Variants in NFYB observed in about 807,000 individuals in gnomAD.
NFYB encodes the protein nuclear transcription factor Y subunit beta.
Under a neutral mutation model 28.0 loss-of-function variants are expected in NFYB, and 13 were observed. The observed-to-expected ratio is 0.46, with a 90% CI of 0.30 to 0.74. NFYB has a LOEUF of 0.74. Among genes scored for constraint, NFYB ranks in the 30% least tolerant of loss-of-function variants. The pLI is 0.07. For missense variants in NFYB, 142 were observed against 247.6 expected (o/e 0.57, Z 2.86); for synonymous variants, 74 against 75.0 (o/e 0.99, Z 0.07).
At position 104,128,460 on chromosome 12, in the gene NFYB, T is replaced by C; in HGVS notation, c.64A>G (p.Ile22Val). 1 of 1,612,580 alleles carries C rather than the reference T, an allele frequency of 6.2e-7. No individual in the cohort carries two copies. Among genetic ancestry groups the C allele is most frequent in the Non-Finnish European group, 8.5e-7 (1 of 1,179,068 alleles). Residue 22 changes from isoleucine (I) to valine (V), a missense_variant, in exon 3 of 8, where the codon ATT (isoleucine) becomes GTT (valine). This residue lies in a region of NFYB where 54 missense variants were observed against 58.1 expected (regional missense o/e 0.93). Coordinates refer to ENST00000240055, the MANE Select transcript of NFYB (RefSeq NM_006166.4). ...ASQLGISADY[I>V]GGSHYVIQPH... ...TGTATAACATAATGACTTCCTCCAA[T>C]ATAGTCTGCAGAGATTCCTAGTTGA...
At chr12:104,129,929 A>C (rs1472281143) in intron 2 of NFYB, among the ~76,000 whole-genome samples, 1 of 152,170 alleles carries the variant, frequency 6.6e-6, no homozygotes, top group Non-Finnish European at 1.5e-5. Flanking sequence ...AATTACCTGC[A>C]CAGACAAGAA....
intron 4 of NFYB, among the ~76,000 whole-genome samples, chr12:104,124,698 T>C (rs1026413581): frequency 6.6e-6 from 1 of 152,242 alleles, no homozygotes; most frequent in Non-Finnish European, 1.5e-5. Context: ...GTCTTCAAAA[T>C]CTGGTGTTTC....
chr12:104,121,508 A>C (rs187225501), intron 5 of NFYB, among the ~76,000 whole-genome samples, 187 bp from the exon 6 acceptor site: 77 of 152,352 alleles, frequency 5.1e-4, no homozygotes, highest in African/African-American at 1.8e-3. Context: ...TATAAGCTGT[A>C]ATCATTAACA....
chr12:104,136,224 T>C (rs189414619), intron 1 of NFYB, among the ~76,000 whole-genome samples: 2 of 152,324 alleles, frequency 1.3e-5, no homozygotes, highest in African/African-American at 2.4e-5. Context: ...TTAGTACCAA[T>C]TGCTGTGTTA....
intron 6 of NFYB, 151 bp downstream of exon 6, chr12:104,121,089 T>C (rs932499272): frequency 1.8e-5 from 11 of 618,132 alleles, no homozygotes; most frequent in Non-Finnish European, 3.1e-5. Context: ...TATCACTCAC[T>C]GACTTCAAAT....
chr12:104,121,146 A>C, intron 6 of NFYB, 94 bp downstream of exon 6: 1 of 994,688 alleles, frequency 1.0e-6, no homozygotes, highest in Non-Finnish European at 1.5e-6. Context: ...TGCTTTGTCA[A>C]AATACTCACT....
intron 4 of NFYB, among the ~76,000 whole-genome samples, chr12:104,124,025 C>CA: frequency 6.6e-6 from 1 of 152,296 alleles, no homozygotes. Flanking sequence ...GTTCCTACCA[C>CA]CCCACAGAGG....
At chr12:104,123,036 C>CA (rs962230293) in intron 5 of NFYB, among the ~76,000 whole-genome samples, 190 bp downstream of exon 5, 6 of 151,808 alleles carry the variant, frequency 4.0e-5, no homozygotes, top group Non-Finnish European at 5.9e-5. Context: ...CTTAGCCAGG[C>CA]ATGGTGGTGC....
chr12:104,137,412 G>A (rs2031144143), intron 1 of NFYB: 1 of 152,294 alleles, frequency 6.6e-6, no homozygotes. Context: ...ACCGCCAGAT[G>A]GCTGCATTCT....
intron 2 of NFYB, 50 bp from the exon 3 acceptor site, chr12:104,128,567 G>C (rs775317184): frequency 7.8e-7 from 1 of 1,289,036 alleles, no homozygotes; most frequent in Admixed American, 1.7e-5. Flanking sequence ...ACTAACAAAC[G>C]TAACAGATTC....
chr12:104,138,037 G>C (rs1593642487), intron 1 of NFYB, 104 bp downstream of exon 1: 1 of 146,466 alleles, frequency 6.8e-6, no homozygotes, highest in East Asian at 2.0e-4. Context: ...CCCCGGCCGC[G>C]GCGGCGTTGG....
rs371891986 is a variant in NFYB at position 104,131,433 on chromosome 12, C to T, written c.7-2916G>A. 5.4e-3 allele frequency: 1,042 copies of T among 191,962 alleles called. 48 individuals are homozygous for T. The South Asian group carries it at 0.065, about 12-fold the overall frequency. The allele number at this position is 191,962 out of a possible 1,614,324, so 11.9% of individuals were successfully genotyped here. A position where few individuals can be genotyped will look rare whatever the true frequency, so the allele number is the denominator to read the frequency against. ...CCTCTGTCTTTCTACCATTAAAATC[C>T]TGCCCCAGACTTTAATCCCAGTGTT... On this transcript the variant is annotated intron_variant, in intron 2 of 7. Transcript: ENST00000240055.
intron 4 of NFYB, among the ~76,000 whole-genome samples, chr12:104,124,145 A>C (rs926900851): frequency 1.3e-5 from 2 of 152,170 alleles, no homozygotes; most frequent in African/African-American, 4.8e-5. Context: ...GAATAAAGAC[A>C]CCAGAAAACA....
At chr12:104,127,983 C>T (rs2030784336) in intron 3 of NFYB, among the ~76,000 whole-genome samples, 1 of 152,096 alleles carries the variant, frequency 6.6e-6, no homozygotes, top group Non-Finnish European at 1.5e-5. Context: ...CACACTGAGC[C>T]AACACTACCA....
chr12:104,127,648 C>A (rs1593631992), intron 3 of NFYB, among the ~76,000 whole-genome samples: 1 of 147,082 alleles, frequency 6.8e-6, no homozygotes, highest in South Asian at 2.1e-4. Context: ...TTCTGATAGG[C>A]CAACATAACA....
At chr12:104,122,162 A>C (rs2030498653) in intron 5 of NFYB, among the ~76,000 whole-genome samples, 1 of 152,228 alleles carries the variant, frequency 6.6e-6, no homozygotes, top group East Asian at 1.9e-4. Context: ...AACATTATTT[A>C]GTACCATCCA....
intron 2 of NFYB, among the ~76,000 whole-genome samples, chr12:104,132,220 A>G (rs2030949497): frequency 6.6e-6 from 1 of 152,222 alleles, no homozygotes; most frequent in South Asian, 2.1e-4. Context: ...ATTGAAAATG[A>G]GACTGACAGA....
chr12:104,120,699 T>C (rs1593624345), intron 6 of NFYB, among the ~76,000 whole-genome samples: 1 of 152,334 alleles, frequency 6.6e-6, no homozygotes, highest in East Asian at 1.9e-4. Context: ...ATCTCTAACA[T>C]GTACCTTAGC....
chr12:104,126,224 C>A lies in NFYB; in HGVS notation c.121G>T (p.Asp41Tyr). 1 of 1,600,758 alleles carries A rather than the reference C, an allele frequency of 6.2e-7. No individual in the cohort carries two copies. The highest frequency in any genetic ancestry group is 1.1e-5 in the South Asian group (1 of 87,694). The change falls in exon 4 of 8, where the codon GAT becomes TAT. Residue 41 changes from aspartate (D) to tyrosine (Y), a missense_variant. Around this residue, in one of 2 missense-constraint regions of NFYB, gnomAD observed 54 missense variants for 58.1 expected, o/e 0.93. Coordinates refer to ENST00000240055, the MANE Select transcript of NFYB (RefSeq NM_006166.4). The part of the protein sequence containing the change: ...PHDDTEDSMN[D>Y]HEDTNGSKES... ...TTTGAACCATTTGTGTCTTCATGATCATTCATGCTGTCCTCAGTATCTAAA... is the reference window on the plus strand; with the variant it reads ...TTTGAACCATTTGTGTCTTCATGATAATTCATGCTGTCCTCAGTATCTAAA...
Sources: allele counts gnomAD v4.1 joint callset (sites outside exome capture counted in the v4.1 genomes callset), GRCh38; gene constraint gnomAD v4.1.1; regional missense constraint gnomAD v4.1.1; transcripts MANE v1.5; gene names NCBI Gene and HGNC (gene_info 2026-07-23, HGNC 2026-07-21).